BTBD9: variants seen among roughly 807,000 people sequenced by gnomAD.
The protein encoded by BTBD9 is BTB domain containing 9.
A neutral mutation model predicts 64.3 loss-of-function variants in BTBD9; 49 were observed. The observed-to-expected ratio is 0.76, with a 90% CI of 0.61 to 0.97. The LOEUF (loss-of-function observed/expected upper bound fraction) is 0.97. BTBD9 is among the 50% of genes least tolerant of loss of function. The probability of loss-of-function intolerance (pLI) is 0.00; values close to 1 mark genes in which losing one functional copy is unlikely to be tolerated. For missense variants in BTBD9, 598 were observed against 762.1 expected, an observed-to-expected ratio of 0.78 and a Z score of 2.53; for synonymous variants, 260 against 274.7, an observed-to-expected ratio of 0.95 and a Z score of 0.53.
intron 6 of BTBD9, among the ~76,000 whole-genome samples, chr6:38,447,546 C>A (rs559604416): frequency 6.4e-4 from 98 of 152,276 alleles, no homozygotes; most frequent in African/African-American, 2.2e-3. Flanking sequence ...AACAATTTAG[C>A]ATGTTGCTAA....
intron 6 of BTBD9, among the ~76,000 whole-genome samples, chr6:38,392,695 G>T (rs1205934473): frequency 6.6e-6 from 1 of 152,172 alleles, no homozygotes; most frequent in Non-Finnish European, 1.5e-5. Flanking sequence ...GAATCTGAAT[G>T]TAGTTCTGAT....
chr6:38,231,792 A>G (rs1763615717), intron 9 of BTBD9, among the ~76,000 whole-genome samples: 1 of 152,238 alleles, frequency 6.6e-6, no homozygotes, highest in African/African-American at 2.4e-5. Flanking sequence ...ATTTCCTACT[A>G]TGACAGCAGG....
intron 9 of BTBD9, among the ~76,000 whole-genome samples, chr6:38,202,439 A>C (rs10947718): frequency 0.35 from 53,815 of 151,854 alleles, 10,448 homozygotes; most frequent in Non-Finnish European, 0.44. Flanking sequence ...ATGTAGAACC[A>C]AAAAAGAGCC....
At chr6:38,387,958 T>C (rs142792751) in intron 6 of BTBD9, among the ~76,000 whole-genome samples, 2 of 152,344 alleles carry the variant, frequency 1.3e-5, no homozygotes, top group East Asian at 3.9e-4. Flanking sequence ...GAAATGCATG[T>C]ACTCACTTCA....
chr6:38,528,199 C>T (rs1242731406), intron 6 of BTBD9, among the ~76,000 whole-genome samples: 2 of 152,120 alleles, frequency 1.3e-5, no homozygotes, highest in Non-Finnish European at 2.9e-5. Context: ...GGGCAGAACT[C>T]AGTTGGCACC....
At chr6:38,570,922 A>G (rs1174935687) in intron 6 of BTBD9, among the ~76,000 whole-genome samples, 1 of 152,210 alleles carries the variant, frequency 6.6e-6, no homozygotes, top group Non-Finnish European at 1.5e-5. Flanking sequence ...GCAATTTTTA[A>G]ATTCTCTTTA....
intron 8 of BTBD9, among the ~76,000 whole-genome samples, chr6:38,284,865 G>C (rs1031820137): frequency 1.3e-5 from 2 of 152,138 alleles, no homozygotes; most frequent in Non-Finnish European, 2.9e-5. Flanking sequence ...AGAAGGTAGT[G>C]AGAGATGCAA....
chr6:38,606,839 C>T (rs1425302765), intron 1 of BTBD9, among the ~76,000 whole-genome samples: 1 of 152,114 alleles, frequency 6.6e-6, no homozygotes, highest in African/African-American at 2.4e-5. Context: ...GAAATTGAGA[C>T]ACAGACAAGA....
chr6:38,497,002 A>G (rs1051883432), intron 6 of BTBD9, among the ~76,000 whole-genome samples: 34 of 152,196 alleles, frequency 2.2e-4, no homozygotes, highest in Admixed American at 6.5e-4. Context: ...CAGGGAAGCA[A>G]AGGTACCAGC....
intron 6 of BTBD9, among the ~76,000 whole-genome samples, chr6:38,398,002 A>T (rs1200709534): frequency 6.6e-6 from 1 of 152,248 alleles, no homozygotes; most frequent in African/African-American, 2.4e-5. Context: ...GAGAAACTGC[A>T]TGGGCACAGA....
intron 9 of BTBD9, among the ~76,000 whole-genome samples, chr6:38,254,021 T>A (rs1417444322): frequency 1.3e-5 from 2 of 148,326 alleles, no homozygotes; most frequent in African/African-American, 5.0e-5. Context: ...TCAATGTGAC[T>A]AGTTCATCTC....
intron 7 of BTBD9, among the ~76,000 whole-genome samples, chr6:38,294,263 T>C (rs1056752385): frequency 1.3e-5 from 2 of 152,192 alleles, no homozygotes; most frequent in Non-Finnish European, 1.5e-5. Flanking sequence ...AATGTGGCGA[T>C]TCCTCAAGAA....
intron 6 of BTBD9, among the ~76,000 whole-genome samples, chr6:38,560,698 C>A (rs1775228139): frequency 6.6e-6 from 1 of 151,952 alleles, no homozygotes; most frequent in Admixed American, 6.6e-5. Context: ...ATTATAGTAC[C>A]CAATAGCTAT....
At chr6:38,397,460 G>A (rs16890641) in intron 6 of BTBD9, among the ~76,000 whole-genome samples, 8,737 of 152,212 alleles carry the variant, frequency 0.057, 721 homozygotes, top group East Asian at 0.33. Flanking sequence ...TGTGGATGGG[G>A]CAACTCATTG....
chr6:38,602,355 G>T (rs1017336344), intron 1 of BTBD9, among the ~76,000 whole-genome samples: 6 of 151,484 alleles, frequency 4.0e-5, no homozygotes, highest in Admixed American at 2.6e-4. Context: ...AATAAATAAT[G>T]GTATGTCTAT....
chr6:38,415,371 G>A (rs1473232638), intron 6 of BTBD9, among the ~76,000 whole-genome samples: 1 of 152,120 alleles, frequency 6.6e-6, no homozygotes, highest in African/African-American at 2.4e-5. Context: ...AAGAGGGAAG[G>A]GAGCCATGAG....
intron 8 of BTBD9, among the ~76,000 whole-genome samples, chr6:38,282,458 G>A (rs552497446): frequency 1.3e-5 from 2 of 152,110 alleles, no homozygotes; most frequent in Admixed American, 6.5e-5. Context: ...TTCTAGGAGC[G>A]GACTGGATCA....
At chr6:38,592,490 C>T (rs1776843120) in intron 4 of BTBD9, 86 bp downstream of exon 4, 2 of 1,448,204 alleles carry the variant, frequency 1.4e-6, no homozygotes, top group Non-Finnish European at 1.9e-6. Context: ...ACCTGCACTA[C>T]ACGGTTCTGT....
At chr6:38,407,977 C>T (rs1331254178) in intron 6 of BTBD9, among the ~76,000 whole-genome samples, 2 of 151,974 alleles carry the variant, frequency 1.3e-5, no homozygotes, top group South Asian at 2.1e-4. Context: ...TTTATTTTTC[C>T]TAAAAAAGGA....
Sources: allele counts gnomAD v4.1 joint callset (sites outside exome capture counted in the v4.1 genomes callset), GRCh38; gene constraint gnomAD v4.1.1; transcripts MANE v1.5; gene names NCBI Gene and HGNC (gene_info 2026-07-23, HGNC 2026-07-21).